MSRA: variants seen among roughly 807,000 people sequenced by gnomAD.
The protein encoded by MSRA is methionine sulfoxide reductase A.
In MSRA, 54 loss-of-function variants were observed where a neutral mutation model predicts 31.3. That is an observed-to-expected ratio of 1.73 (90% CI 1.39 to 2.17). The LOEUF is 2.17. Ranked by LOEUF, MSRA falls within the 30% of genes most tolerant of loss-of-function variation. MSRA has a pLI of 0.00. For missense variants in MSRA, 507 were observed against 300.9 expected, an observed-to-expected ratio of 1.69 and a Z score of -5.07; for synonymous variants, 169 against 116.5, an observed-to-expected ratio of 1.45 and a Z score of -2.90.
At chr8:10,344,757 C>A (rs1008206456) in intron 5 of MSRA, among the ~76,000 whole-genome samples, 2 of 152,092 alleles carry the variant, frequency 1.3e-5, no homozygotes, top group African/African-American at 4.8e-5. Context: ...CCAACACATT[C>A]TCCATTACTG....
chr8:10,296,555 T>A (rs1800553921), intron 3 of MSRA, among the ~76,000 whole-genome samples: 1 of 152,228 alleles, frequency 6.6e-6, no homozygotes, highest in Non-Finnish European at 1.5e-5. Flanking sequence ...GTGACTTCTA[T>A]TCCAATTTTC....
At chr8:10,112,218 T>A (rs1197790080) in intron 1 of MSRA, among the ~76,000 whole-genome samples, 1 of 152,210 alleles carries the variant, frequency 6.6e-6, no homozygotes, top group African/African-American at 2.4e-5. Context: ...AAAAGAATAG[T>A]TCTTAGGAAA....
chr8:10,416,441 A>G (rs77177038), intron 5 of MSRA, among the ~76,000 whole-genome samples: 2,155 of 152,348 alleles, frequency 0.014, 52 homozygotes, highest in African/African-American at 0.049. Flanking sequence ...TGGTGCTCCC[A>G]GCGTGGGTTT....
In MSRA at chr8:10,274,921, T is replaced by C. The variant is rs149444171; in HGVS notation, c.332-26613T>C. ...CATCCAACCATTCGTCTATCTTCTTTTGAGTTGCTTTAAAACTCAGTAAAG... is the reference window on the plus strand; with the variant it reads ...CATCCAACCATTCGTCTATCTTCTTCTGAGTTGCTTTAAAACTCAGTAAAG... On this transcript the variant is annotated intron_variant, in intron 3 of 5. Transcript: ENST00000317173. Among the ~76,000 whole-genome samples, 9 of 152,326 alleles carry C rather than the reference T, an allele frequency of 5.9e-5. No homozygotes were observed. The East Asian group carries it at 1.5e-3, about 26-fold the overall frequency.
intron 3 of MSRA, among the ~76,000 whole-genome samples, chr8:10,300,115 G>A (rs907472180): frequency 7.5e-6 from 1 of 133,688 alleles, no homozygotes. Context: ...TGAATGCAGT[G>A]GAAGAAATTT....
chr8:10,317,454 G>A (rs1048886206), intron 4 of MSRA, among the ~76,000 whole-genome samples: 5 of 152,164 alleles, frequency 3.3e-5, no homozygotes, highest in African/African-American at 1.2e-4. Flanking sequence ...TGGCTCTGCC[G>A]AGAGGGAGAG....
intron 3 of MSRA, among the ~76,000 whole-genome samples, chr8:10,290,965 C>A (rs1465123702): frequency 1.3e-5 from 2 of 152,166 alleles, no homozygotes; most frequent in East Asian, 3.9e-4. Context: ...CTTTTGTACC[C>A]TTCTTATTCT....
At chr8:10,134,127 C>T (rs142830383) in intron 1 of MSRA, among the ~76,000 whole-genome samples, 8 of 152,228 alleles carry the variant, frequency 5.3e-5, no homozygotes, top group Non-Finnish European at 1.2e-4. Flanking sequence ...CCACTGTGCC[C>T]GGCCTGGATC....
chr8:10,241,113 T>G (rs1394769333), intron 2 of MSRA, among the ~76,000 whole-genome samples: 1 of 152,182 alleles, frequency 6.6e-6, no homozygotes, highest in Non-Finnish European at 1.5e-5. Context: ...ATGGGAAATT[T>G]CAGCCACATC....
At position 10,420,069 on chromosome 8, in the gene MSRA, A is replaced by G. The variant is rs563668073; in HGVS notation, c.544-8079A>G. ...GCTAAAGAAACAAAAGCAACAAAAT[A>G]TGGCATGTACGTAGAGTGGAATAGT... On this transcript the variant is annotated intron_variant, in intron 5 of 5. Coordinates refer to ENST00000317173, the MANE Select transcript of MSRA (RefSeq NM_012331.5). 2.6e-5 allele frequency among the ~76,000 whole-genome samples: 4 copies of G among 152,334 alleles called. No individual in the cohort carries two copies. The South Asian group carries it at 8.3e-4, about 32-fold the overall frequency.
chr8:10,217,079 T>G (rs1810057219), intron 2 of MSRA, among the ~76,000 whole-genome samples: 2 of 152,238 alleles, frequency 1.3e-5, no homozygotes, highest in South Asian at 4.1e-4. Context: ...TTTATTTATT[T>G]TTAAAAATTA....
intron 2 of MSRA, among the ~76,000 whole-genome samples, chr8:10,222,438 C>T (rs202066312): frequency 6.6e-6 from 1 of 151,930 alleles, no homozygotes; most frequent in Non-Finnish European, 1.5e-5. Context: ...TTATGGAAAA[C>T]AGTGTGGAGG....
intron 1 of MSRA, among the ~76,000 whole-genome samples, chr8:10,124,142 C>G (rs1801326447): frequency 6.6e-6 from 1 of 152,074 alleles, no homozygotes; most frequent in Admixed American, 6.5e-5. Context: ...CATCTAGAAA[C>G]ATAGAGGCAA....
intron 3 of MSRA, among the ~76,000 whole-genome samples, chr8:10,288,308 G>A (rs553732619): frequency 7.2e-5 from 11 of 152,078 alleles, no homozygotes; most frequent in African/African-American, 2.2e-4. Context: ...TTTAGAAGCC[G>A]TAGCCATTTT....
chr8:10,215,158 T>A (rs1260596611), intron 2 of MSRA, among the ~76,000 whole-genome samples: 1 of 152,162 alleles, frequency 6.6e-6, no homozygotes, highest in Non-Finnish European at 1.5e-5. Flanking sequence ...TAGAGATCAC[T>A]TATCCATGAA....
chr8:10,093,947 C>T (rs1221644461), intron 1 of MSRA, among the ~76,000 whole-genome samples: 2 of 152,202 alleles, frequency 1.3e-5, no homozygotes, highest in African/African-American at 4.8e-5. Flanking sequence ...GCTTTCTGGT[C>T]TCCATGGTTT....
In MSRA at chr8:10,284,373, A is replaced by G. The variant is rs376942142; in HGVS notation, c.332-17161A>G. Among the ~76,000 whole-genome samples, 135 of 151,698 alleles carry G rather than the reference A, an allele frequency of 8.9e-4. 1 individual carries two copies. The highest frequency in any genetic ancestry group is 3.1e-3 in the South Asian group (15 of 4,786). ...CCGGCTAATTTTTTTTTGGATTTTT[A>G]CTAGATACTGGGGTTTCACCATGTT... is the stretch of plus-strand genomic sequence containing the variant. On this transcript the variant is annotated intron_variant, in intron 3 of 5. Coordinates refer to ENST00000317173, the MANE Select transcript of MSRA (RefSeq NM_012331.5).
At chr8:10,099,545 C>G (rs1363238984) in intron 1 of MSRA, among the ~76,000 whole-genome samples, 1 of 152,206 alleles carries the variant, frequency 6.6e-6, no homozygotes, top group East Asian at 1.9e-4. Flanking sequence ...ACACAATGGC[C>G]ACTTAATAAG....
intron 1 of MSRA, among the ~76,000 whole-genome samples, chr8:10,118,101 C>G (rs929813370): frequency 6.6e-6 from 1 of 152,090 alleles, no homozygotes; most frequent in Admixed American, 6.5e-5. Flanking sequence ...GTTCATTCTC[C>G]CCTTGGGCTG....
Sources: gnomAD v4.1 joint callset for allele counts (sites outside exome capture counted in the v4.1 genomes callset) on GRCh38, gnomAD v4.1.1 for gene constraint, MANE v1.5 for transcripts, NCBI Gene and HGNC (gene_info 2026-07-23, HGNC 2026-07-21) for gene names.